Variants in TSPAN14 observed in about 807,000 individuals in gnomAD.
TSPAN14 encodes the protein tetraspanin-14.
TSPAN14 carries 16 observed loss-of-function variants against 36.6 expected under a neutral mutation model. The observed-to-expected ratio is 0.44, with a 90% CI of 0.30 to 0.66. TSPAN14 has a LOEUF of 0.66. TSPAN14 is among the 30% of genes least tolerant of loss of function. The probability of loss-of-function intolerance (pLI) is 0.12; values close to 1 mark genes in which losing one functional copy is unlikely to be tolerated. For missense variants in TSPAN14, 231 were observed against 355.1 expected (o/e 0.65, Z 2.81); for synonymous variants, 139 against 143.8 (o/e 0.97, Z 0.24).
intron 1 of TSPAN14, among the ~76,000 whole-genome samples, chr10:80,481,277 G>A (rs902940913): frequency 6.6e-5 from 10 of 152,184 alleles, no homozygotes; most frequent in South Asian, 2.1e-4. Context: ...AAGGATCTCC[G>A]AAGGCCCCAG....
chr10:80,511,448 G>A (rs1184653189), intron 5 of TSPAN14, among the ~76,000 whole-genome samples: 1 of 152,158 alleles, frequency 6.6e-6, no homozygotes, highest in Non-Finnish European at 1.5e-5. Flanking sequence ...ACACCAAGGT[G>A]CCGAGGGGGC....
rs1310070576 is a variant in TSPAN14 at position 80,479,809 on chromosome 10, G to T, written c.-17-9408G>T. Among the ~76,000 whole-genome samples, 8 of 150,474 alleles carry T rather than the reference G, an allele frequency of 5.3e-5. 1 individual carries two copies. Among genetic ancestry groups the T allele is most frequent in the Admixed American group, 4.0e-4 (6 of 15,076 alleles). On this transcript the variant is annotated intron_variant, in intron 1 of 8. Transcript: ENST00000429989. ...TTGGTTCCATATGGACTTTAAAGTG[G>T]TTTTTTCCAATTCTGTGAAGAAAGT...
intron 1 of TSPAN14, among the ~76,000 whole-genome samples, chr10:80,481,104 CA>C (rs201601795): frequency 1.4e-5 from 2 of 148,072 alleles, no homozygotes; most frequent in Non-Finnish European, 1.5e-5. Flanking sequence ...GACTCTGTTT[CA>C]AAAAAAAAGA....
chr10:80,457,864 C>G (rs553531853), intron 1 of TSPAN14, among the ~76,000 whole-genome samples: 1 of 152,352 alleles, frequency 6.6e-6, no homozygotes, highest in Admixed American at 6.5e-5. Context: ...CTTGTTCACA[C>G]TGCATGTTCA....
At chr10:80,494,291 A>G (rs6586030) in intron 2 of TSPAN14, among the ~76,000 whole-genome samples, 134,897 of 152,296 alleles carry the variant, frequency 0.89, 60,024 homozygotes, top group East Asian at 0.98. Context: ...AGCATGGCTT[A>G]AGGCCTATTC....
At chr10:80,456,305 C>T (rs544213313) in intron 1 of TSPAN14, among the ~76,000 whole-genome samples, 1 of 152,124 alleles carries the variant, frequency 6.6e-6, no homozygotes, top group African/African-American at 2.4e-5. Context: ...GTGGCTGCCC[C>T]AGGAAGAAAG....
At chr10:80,457,061 T>TCAAAAAA (rs780014328) in intron 1 of TSPAN14, among the ~76,000 whole-genome samples, 1 of 151,626 alleles carries the variant, frequency 6.6e-6, no homozygotes, top group Non-Finnish European at 1.5e-5. Flanking sequence ...AAACTCCATC[T>TCAAAAAA]CAAAAAACAA....
intron 1 of TSPAN14, among the ~76,000 whole-genome samples, chr10:80,488,626 A>G (rs1847756052): frequency 6.6e-6 from 1 of 152,136 alleles, no homozygotes. Flanking sequence ...AGGTTTTCAG[A>G]AAATGTTGCA....
intron 6 of TSPAN14, among the ~76,000 whole-genome samples, 174 bp from the exon 7 acceptor site, chr10:80,513,845 A>G (rs1263299188): frequency 6.6e-6 from 1 of 152,194 alleles, no homozygotes; most frequent in Non-Finnish European, 1.5e-5. Context: ...TCACAGAGAA[A>G]GTTTGCCACC....
At chr10:80,469,699 A>G (rs1055702445) in intron 1 of TSPAN14, among the ~76,000 whole-genome samples, 2 of 152,182 alleles carry the variant, frequency 1.3e-5, no homozygotes, top group Non-Finnish European at 2.9e-5. Flanking sequence ...TCACAAGGAC[A>G]CACTTAGTTT....
chr10:80,468,924 G>A (rs1025273599), intron 1 of TSPAN14, among the ~76,000 whole-genome samples: 10 of 152,006 alleles, frequency 6.6e-5, no homozygotes, highest in African/African-American at 1.9e-4. Flanking sequence ...TTGCCCCTTC[G>A]CTTTGTTAGC....
Position 80,494,273 on chromosome 10 carries a change from C to T in TSPAN14, c.81+4959C>T, listed in dbSNP as rs1848072388. 1.3e-5 allele frequency among the ~76,000 whole-genome samples: 2 copies of T among 152,244 alleles called. 1 individual carries two copies. The highest frequency in any genetic ancestry group is 4.1e-4 in the South Asian group (2 of 4,836). ...GATGAGAGCCATGGACATCTGTGCT[C>T]TGTGACCAGCATGGCTTAAGGCCTA... On this transcript the variant is annotated intron_variant, in intron 2 of 8. Coordinates refer to ENST00000429989, the Ensembl canonical transcript of TSPAN14.
intron 2 of TSPAN14, among the ~76,000 whole-genome samples, chr10:80,492,619 A>G (rs1847979541): frequency 6.6e-6 from 1 of 152,162 alleles, no homozygotes; most frequent in African/African-American, 2.4e-5. Context: ...GATCAAGACC[A>G]TCCTGGCTAA....
chr10:80,518,891 T>TA (rs1841098294), exon 9 of TSPAN14: 1 of 152,986 alleles, frequency 6.5e-6, no homozygotes, highest in Non-Finnish European at 1.5e-5. Context: ...TTGAGTGTCT[T>TA]AAGAACCAGC....
chr10:80,496,575 A>G (rs764027627), intron 2 of TSPAN14, among the ~76,000 whole-genome samples: 11 of 152,170 alleles, frequency 7.2e-5, no homozygotes, highest in Non-Finnish European at 4.4e-5. Flanking sequence ...TTTCAAACGC[A>G]CACCCTTTTT....
chr10:80,471,233 T>G (rs995794234), intron 1 of TSPAN14, among the ~76,000 whole-genome samples: 1 of 152,120 alleles, frequency 6.6e-6, no homozygotes, highest in Non-Finnish European at 1.5e-5. Context: ...CCTGAACATG[T>G]AGAAACAAGT....
intron 4 of TSPAN14, among the ~76,000 whole-genome samples, chr10:80,508,263 C>T (rs1840412131): frequency 6.6e-6 from 1 of 151,954 alleles, no homozygotes. Flanking sequence ...CTACAGGCGC[C>T]CGCTACCATG....
rs544881444 is a variant in TSPAN14 at position 80,463,983 on chromosome 10, C to T, written c.-18+9612C>T. On this transcript the variant is annotated intron_variant, in intron 1 of 8. Transcript: ENST00000429989. ...TCCATATTTACAGCCCTTGGCTGGC[C>T]CTCTGGCTCATGCAGCCTGTGCCCC... Among the ~76,000 whole-genome samples the T allele has an allele frequency of 2.6e-5, 4 of 152,328 alleles. No homozygotes were observed. In the East Asian group the frequency reaches 7.7e-4, roughly 29 times the overall value.
intron 1 of TSPAN14, among the ~76,000 whole-genome samples, chr10:80,468,254 C>T (rs573960299): frequency 6.6e-6 from 1 of 152,294 alleles, no homozygotes; most frequent in East Asian, 1.9e-4. Flanking sequence ...GTCTTCGGGG[C>T]CAGCCTGTGT....
Sources: allele counts gnomAD v4.1 joint callset (sites outside exome capture counted in the v4.1 genomes callset), GRCh38; gene constraint gnomAD v4.1.1; transcripts MANE v1.5; gene names NCBI Gene and HGNC (gene_info 2026-07-23, HGNC 2026-07-21).